The following ZNF365 variants were observed in gnomAD, a reference collection of about 807,000 sequenced individuals.
ZNF365 encodes protein ZNF365.
In ZNF365, 22 loss-of-function variants were observed where a neutral mutation model predicts 35.0. The observed-to-expected ratio is 0.63, with a 90% CI of 0.45 to 0.90. ZNF365 has a LOEUF of 0.90. ZNF365 is among the 40% of genes least tolerant of loss of function. The pLI, the probability that ZNF365 is intolerant of heterozygous loss-of-function variation, is 0.00. For synonymous variants in ZNF365, 188 were observed against 196.2 expected, an observed-to-expected ratio of 0.96 and a Z score of 0.35; for missense variants, 448 against 500.3, an observed-to-expected ratio of 0.90 and a Z score of 1.00.
intron 4 of ZNF365, among the ~76,000 whole-genome samples, chr10:62,461,262 C>T (rs571995359): frequency 1.3e-5 from 2 of 152,334 alleles, no homozygotes; most frequent in South Asian, 4.1e-4. Flanking sequence ...TTCTATCACA[C>T]GTGGGCCAAG....
chr10:62,409,888 C>A (rs1311121659), intron 3 of ZNF365, among the ~76,000 whole-genome samples: 1 of 152,072 alleles, frequency 6.6e-6, no homozygotes. Context: ...ATGGGGGTAG[C>A]TGGTGAAGTT....
At chr10:62,469,614 C>T (rs1008031594) in intron 4 of ZNF365, among the ~76,000 whole-genome samples, 4 of 151,966 alleles carry the variant, frequency 2.6e-5, no homozygotes, top group African/African-American at 4.8e-5. Context: ...TCATTATACA[C>T]GTATGTGTGT....
At chr10:62,386,189 G>A (rs1839523322) in intron 2 of ZNF365, among the ~76,000 whole-genome samples, 1 of 152,216 alleles carries the variant, frequency 6.6e-6, no homozygotes, top group African/African-American at 2.4e-5. Context: ...TTTGCTGCTA[G>A]TTAAAGTTTG....
intron 3 of ZNF365, among the ~76,000 whole-genome samples, chr10:62,438,209 G>A (rs113889446): frequency 0.14 from 20,045 of 147,524 alleles, 1,458 homozygotes; most frequent in African/African-American, 0.18. Flanking sequence ...TTTTTTTTGA[G>A]ACAGAGTCTC....
chr10:62,469,483 T>C (rs541178596), intron 4 of ZNF365, among the ~76,000 whole-genome samples: 1 of 152,350 alleles, frequency 6.6e-6, no homozygotes, highest in African/African-American at 2.4e-5. Context: ...AGCGATGGAC[T>C]GAATGGCTGG....
chr10:62,399,638 A>G lies in ZNF365; in HGVS notation c.1073A>G (p.Gln358Arg), dbSNP rs769702612. Residue 358 changes from glutamine to arginine, a missense_variant, in exon 5 of 5, where the codon CAG (glutamine) becomes CGG (arginine). Physicochemically the swap from Gln to Arg is conservative, Grantham distance 43 (BLOSUM62 1). Transcript: ENST00000395254. Reference protein sequence around the residue: ...KKAKDDRASMQPAKAIHEQAE... With the variant: ...KKAKDDRASMRPAKAIHEQAE... ...GCCAAGGATGACAGAGCCAGCATGC[A>G]GCCTGCCAAGGCCATTCACGAACAG... is the stretch of plus-strand genomic sequence containing the variant. 1 of 1,614,212 alleles carries G rather than the reference A, an allele frequency of 6.2e-7. No individual in the cohort carries two copies. Among genetic ancestry groups the G allele is most frequent in the East Asian group, 2.2e-5 (1 of 44,886 alleles).
At chr10:62,410,572 T>A (rs1187508963) in intron 3 of ZNF365, among the ~76,000 whole-genome samples, 1 of 152,058 alleles carries the variant, frequency 6.6e-6, no homozygotes, top group African/African-American at 2.4e-5. Context: ...TATGTCTATG[T>A]GTTCATATTG....
chr10:62,448,528 T>C (rs1197682322), intron 3 of ZNF365, among the ~76,000 whole-genome samples: 2 of 152,224 alleles, frequency 1.3e-5, no homozygotes. Context: ...TAAATTCCCA[T>C]ATTTGCTGAA....
intron 3 of ZNF365, among the ~76,000 whole-genome samples, chr10:62,446,757 C>T (rs1423508401): frequency 6.6e-6 from 1 of 152,114 alleles, no homozygotes; most frequent in Non-Finnish European, 1.5e-5. Flanking sequence ...TGGGATTTTG[C>T]CACCCTGGGT....
In ZNF365 at chr10:62,376,727, G is replaced by A. The variant is rs778214190; in HGVS notation, c.534G>A (p.Lys178=). ...MVEAVDRTIE[K]RIDKLTKELA... is the part of the protein sequence containing the mutation. ...AGGCTGTGGATAGGACCATTGAGAA[G>A]AGAATTGATAAACTCACCAAAGAGT... The change falls in exon 2 of 5, where the codon AAG becomes AAA. Residue 178 remains lysine (K), a synonymous_variant. Transcript: ENST00000395254. The A allele has an allele frequency of 6.2e-7, 1 of 1,614,230 alleles. No individual in the cohort carries two copies. Among genetic ancestry groups the A allele is most frequent in the Non-Finnish European group, 8.5e-7 (1 of 1,180,054 alleles).
chr10:62,379,903 G>C (rs1474526129), intron 2 of ZNF365, among the ~76,000 whole-genome samples: 3 of 152,204 alleles, frequency 2.0e-5, no homozygotes, highest in East Asian at 3.8e-4. Context: ...CCATTTGTGA[G>C]AGAAAGTAGG....
rs1251462848 is a variant in ZNF365 at position 62,376,445 on chromosome 10, A to G, written c.252A>G (p.Lys84=). The G allele has an allele frequency of 6.2e-7, 1 of 1,614,172 alleles. No homozygotes were observed. The highest frequency in any genetic ancestry group is 8.5e-7 in the Non-Finnish European group (1 of 1,180,036). ...VTSSELLKPG[K]LQSSGNVVKQ... ...CCTCAGAACTCCTGAAACCGGGAAA[A>G]TTGCAGAGCAGTGGCAACGTGGTAA... Residue 84 remains lysine (K), a synonymous_variant, in exon 2 of 5, where the codon AAA becomes AAG. Transcript: ENST00000395254.
chr10:62,386,699 A>T (rs1839532076), intron 2 of ZNF365, among the ~76,000 whole-genome samples: 1 of 152,206 alleles, frequency 6.6e-6, no homozygotes, highest in South Asian at 2.1e-4. Context: ...GTACAGAAGA[A>T]AAGAGCTGGA....
intron 4 of ZNF365, among the ~76,000 whole-genome samples, chr10:62,463,962 C>T (rs905835591): frequency 3.9e-5 from 6 of 152,082 alleles, no homozygotes; most frequent in East Asian, 1.9e-4. Context: ...CTGACACCAG[C>T]GGGATGTAGG....
At chr10:62,384,169 G>A (rs1177082386) in intron 2 of ZNF365, among the ~76,000 whole-genome samples, 1 of 150,238 alleles carries the variant, frequency 6.7e-6, no homozygotes, top group Non-Finnish European at 1.5e-5. Context: ...CTTAGAACCA[G>A]TTAAATTTCC....
Position 62,400,711 on chromosome 10 carries a change from G to C in ZNF365, c.*922G>C, listed in dbSNP as rs556382300. 1.0e-6 allele frequency: 1 copy of C among 985,610 alleles called. No individual in the cohort carries two copies. Among genetic ancestry groups the C allele is most frequent in the Admixed American group, 6.1e-5 (1 of 16,278 alleles). 61.1% of individuals were successfully genotyped at this position (985,610 alleles called of 1,614,324 possible). On this transcript the variant is annotated 3_prime_UTR_variant, in exon 5 of 5. Coordinates refer to ENST00000395254, the MANE Select transcript of ZNF365 (RefSeq NM_014951.3). ...AGCCCTTTCCTAAGACCTGCTTCCC[G>C]GCCAGTGTCAGTGGCCCTCTCTCTC...
chr10:62,399,793 G>A lies in ZNF365; in HGVS notation c.*4G>A. On this transcript the variant is annotated 3_prime_UTR_variant, in exon 5 of 5. Transcript: ENST00000395254. ...AGCCATTGTGAACATCATCTAAAAG[G>A]GTGGGTGGTGCTGGACCAATCATCG... The A allele has an allele frequency of 6.2e-7, 1 of 1,610,584 alleles. No individual in the cohort carries two copies. Among genetic ancestry groups the A allele is most frequent in the Non-Finnish European group, 8.5e-7 (1 of 1,178,528 alleles).
intron 3 of ZNF365, among the ~76,000 whole-genome samples, chr10:62,392,821 G>A (rs192918744): frequency 9.2e-5 from 14 of 152,106 alleles, no homozygotes; most frequent in East Asian, 5.8e-4. Context: ...TAATAGAGAC[G>A]GGGTTTCACC....
chr10:62,451,307 C>T (rs956677090), intron 3 of ZNF365, among the ~76,000 whole-genome samples: 1 of 152,032 alleles, frequency 6.6e-6, no homozygotes, highest in African/African-American at 2.4e-5. Flanking sequence ...CTTGTGGTGC[C>T]TGCCTGAGCT....
Sources: gnomAD v4.1 joint callset for allele counts (sites outside exome capture counted in the v4.1 genomes callset) on GRCh38, gnomAD v4.1.1 for gene constraint, MANE v1.5 for transcripts, NCBI Gene and HGNC (gene_info 2026-07-23, HGNC 2026-07-21) for gene names.